MAGI3: variants seen among roughly 807,000 people sequenced by gnomAD.
The protein encoded by MAGI3 is membrane associated guanylate kinase, WW and PDZ domain containing 3.
In MAGI3, 43 loss-of-function variants were observed where a neutral mutation model predicts 121.8. That is an observed-to-expected ratio of 0.35 (90% CI 0.28 to 0.46). MAGI3 has a LOEUF of 0.46. Ranked by LOEUF, MAGI3 falls within the 20% of genes least tolerant of loss-of-function variation. The pLI is 1.00. For missense variants in MAGI3, 1,547 were observed against 1,797.3 expected (o/e 0.86, Z 2.52); for synonymous variants, 553 against 639.3 (o/e 0.86, Z 2.04).
chr1:113,436,069 A>T (rs1332776139), intron 1 of MAGI3, among the ~76,000 whole-genome samples: 1 of 152,180 alleles, frequency 6.6e-6, no homozygotes. Flanking sequence ...AAGTTATGTC[A>T]GATGAATTAG....
chr1:113,543,173 T>C (rs1659369041), intron 1 of MAGI3, among the ~76,000 whole-genome samples: 1 of 152,244 alleles, frequency 6.6e-6, no homozygotes, highest in South Asian at 2.1e-4. Flanking sequence ...CTTTTCCTGC[T>C]GTAGACTTGT....
chr1:113,558,735 A>G (rs1227222206), intron 2 of MAGI3, among the ~76,000 whole-genome samples: 1 of 152,200 alleles, frequency 6.6e-6, no homozygotes, highest in African/African-American at 2.4e-5. Context: ...ATACTCCATG[A>G]GAAAATCATC....
rs1042040745 is a variant in MAGI3 at position 113,422,599 on chromosome 1, G to A, written c.316+31250G>A. On this transcript the variant is annotated intron_variant, in intron 1 of 20. Transcript: ENST00000307546. This position sits in a 1 kb window ranked among gnomAD's most constrained non-coding sequence, Gnocchi z 4.3. ...GGTGGCGGGGCAGGCAGCTCCCGGC[G>A]CTGGCACAGGCGCCTGCTCCGTGCA... Among the ~76,000 whole-genome samples, 8 of 152,228 alleles carry A rather than the reference G, an allele frequency of 5.3e-5. No homozygotes were observed. Among genetic ancestry groups the A allele is most frequent in the Non-Finnish European group, 1.0e-4 (7 of 68,040 alleles).
intron 6 of MAGI3, among the ~76,000 whole-genome samples, chr1:113,612,749 G>A (rs998461908): frequency 6.6e-6 from 1 of 152,178 alleles, no homozygotes; most frequent in Non-Finnish European, 1.5e-5. Flanking sequence ...TAATCTCTTA[G>A]TTGCTAATTA....
intron 1 of MAGI3, among the ~76,000 whole-genome samples, chr1:113,417,247 C>T (rs1401077835): frequency 6.6e-6 from 1 of 152,064 alleles, no homozygotes; most frequent in Non-Finnish European, 1.5e-5. Flanking sequence ...ATAAAATTCC[C>T]TGGTTCCTCC....
intron 15 of MAGI3, 84 bp downstream of exon 15, chr1:113,654,102 C>T: frequency 2.7e-6 from 3 of 1,131,780 alleles, no homozygotes; most frequent in Non-Finnish European, 3.8e-6. Flanking sequence ...TAATTAGGAG[C>T]TATGTATAAA....
intron 2 of MAGI3, among the ~76,000 whole-genome samples, chr1:113,550,894 A>G (rs899096658): frequency 6.6e-6 from 1 of 151,234 alleles, no homozygotes; most frequent in African/African-American, 2.4e-5. Context: ...CTTGCATACC[A>G]AGAACAAGTA....
intron 1 of MAGI3, among the ~76,000 whole-genome samples, chr1:113,445,735 C>T (rs374700589): frequency 4.1e-4 from 62 of 152,298 alleles, no homozygotes; most frequent in Non-Finnish European, 4.4e-4. Context: ...AAAAGGCTGT[C>T]GGCTGGCATA....
chr1:113,491,070 A>G (rs1656645274), intron 1 of MAGI3, among the ~76,000 whole-genome samples: 1 of 152,220 alleles, frequency 6.6e-6, no homozygotes, highest in African/African-American at 2.4e-5. Context: ...AAAAAACAGA[A>G]TATACATTCT....
intron 1 of MAGI3, among the ~76,000 whole-genome samples, chr1:113,408,806 A>G (rs1468069383): frequency 6.6e-6 from 1 of 152,054 alleles, no homozygotes; most frequent in South Asian, 2.1e-4. Flanking sequence ...CAGCCAAAGT[A>G]TTTGTTACAC....
chr1:113,539,393 G>GAA (rs530823031), intron 1 of MAGI3, among the ~76,000 whole-genome samples: 2 of 113,166 alleles, frequency 1.8e-5, no homozygotes. Flanking sequence ...CTCCGTCTCA[G>GAA]AAAAAAAAAA....
At chr1:113,542,481 G>T (rs1321803755) in intron 1 of MAGI3, among the ~76,000 whole-genome samples, 1 of 152,228 alleles carries the variant, frequency 6.6e-6, no homozygotes, top group Non-Finnish European at 1.5e-5. Context: ...CAAAACGTTA[G>T]ATAAAGAGGA....
chr1:113,683,404 G>C lies in MAGI3; in HGVS notation c.3836G>C (p.Cys1279Ser). ...AGGGCAGGCTCTGGACAAGATCAGT[G>C]CAGAAAAAGCAGAGGTCGGTCGGCC... is the stretch of plus-strand genomic sequence containing the variant. Reference protein sequence around the residue: ...STRAGSGQDQCRKSRGRSASP... With the variant: ...STRAGSGQDQSRKSRGRSASP... Residue 1279 changes from cysteine (C) to serine (S), a missense_variant, in exon 21 of 21, where the codon TGC becomes TCC. Transcript: ENST00000307546. The C allele has an allele frequency of 6.2e-7, 1 of 1,613,964 alleles. No homozygotes were observed. Among genetic ancestry groups the C allele is most frequent in the Non-Finnish European group, 8.5e-7 (1 of 1,179,888 alleles).
At chr1:113,402,024 G>A (rs1651434447) in intron 1 of MAGI3, among the ~76,000 whole-genome samples, 1 of 152,156 alleles carries the variant, frequency 6.6e-6, no homozygotes, top group African/African-American at 2.4e-5. Flanking sequence ...TTAGTATATG[G>A]ATAAACAATT....
intron 1 of MAGI3, among the ~76,000 whole-genome samples, chr1:113,441,840 A>G (rs1653930725): frequency 6.6e-6 from 1 of 152,166 alleles, no homozygotes; most frequent in Non-Finnish European, 1.5e-5. Context: ...TGAGTACTTC[A>G]TATGTATTAA....
intron 9 of MAGI3, among the ~76,000 whole-genome samples, chr1:113,623,271 G>T (rs954442741): frequency 9.9e-5 from 15 of 151,556 alleles, no homozygotes; most frequent in African/African-American, 3.6e-4. Context: ...ATCTCCTCAA[G>T]CATTTATCTG....
chr1:113,486,023 G>C (rs998797729), intron 1 of MAGI3, among the ~76,000 whole-genome samples: 1 of 152,104 alleles, frequency 6.6e-6, no homozygotes, highest in Non-Finnish European at 1.5e-5. Flanking sequence ...ATTGGTCTTT[G>C]TGCCTATTTT....
chr1:113,449,920 G>A (rs1315604168), intron 1 of MAGI3: 8 of 1,512,246 alleles, frequency 5.3e-6, no homozygotes, highest in South Asian at 1.1e-5. Flanking sequence ...ATGTGTGCTT[G>A]ACCACACAAG....
Position 113,531,487 on chromosome 1 carries a change from A to G in MAGI3, c.317-18028A>G, listed in dbSNP as rs370894062. 4.6e-5 allele frequency among the ~76,000 whole-genome samples: 7 copies of G among 152,264 alleles called. No homozygotes were observed. The East Asian group carries it at 9.7e-4, about 21-fold the overall frequency. On this transcript the variant is annotated intron_variant, in intron 1 of 20. Transcript: ENST00000307546. ...GTATCCACTAGCAAAGTATGAGACT[A>G]TCTGTTTCTTCCCAACCTCACCAAC...
Sources: allele counts gnomAD v4.1 joint callset (sites outside exome capture counted in the v4.1 genomes callset), GRCh38; gene constraint gnomAD v4.1.1; non-coding constraint Gnocchi (gnomAD v3.1); transcripts MANE v1.5; gene names NCBI Gene and HGNC (gene_info 2026-07-23, HGNC 2026-07-21).